Variants in ANK3 observed in about 807,000 individuals in gnomAD.
ANK3 encodes ankyrin-3.
ANK3 carries 57 observed loss-of-function variants against 370.9 expected under a neutral mutation model. That is an observed-to-expected ratio of 0.15 (90% confidence interval 0.12 to 0.19). ANK3 has a LOEUF of 0.19. Ranked by LOEUF, ANK3 falls within the 10% of genes least tolerant of loss-of-function variation. ANK3 has a pLI of 1.00. For missense variants in ANK3, 4,439 were observed against 5,302.1 expected (o/e 0.84, Z 5.06); for synonymous variants, 1,929 against 1,946.3 (o/e 0.99, Z 0.23).
At position 60,389,555 on chromosome 10, in the gene ANK3, T is replaced by A. The variant is rs138255550; in HGVS notation, c.-17A>T. 1.3e-4 allele frequency: 207 copies of A among 1,613,124 alleles called. 4 individuals carry two copies. The East Asian group carries it at 4.6e-3, about 36-fold the overall frequency. On this transcript the variant is annotated 5_prime_UTR_variant, in exon 1 of 44. Transcript: ENST00000280772. ...ATGAGCCATAATGCATTTAAAAAGA[T>A]CCTCTCAAGCACACACGGCTTCCTT...
intron 1 of ANK3, among the ~76,000 whole-genome samples, chr10:60,345,430 A>G (rs1335182348): frequency 6.6e-6 from 1 of 152,166 alleles, no homozygotes; most frequent in East Asian, 1.9e-4. Flanking sequence ...GCAAATATAA[A>G]GAGTACTGAA....
At chr10:60,503,182 A>C (rs1406681370) in intron 2 of ANK3, among the ~76,000 whole-genome samples, 1 of 152,214 alleles carries the variant, frequency 6.6e-6, no homozygotes, top group East Asian at 1.9e-4. Context: ...GGACTTTGGC[A>C]TACAAAGAGT....
At chr10:60,167,010 G>T in intron 21 of ANK3, 114 bp from the exon 22 acceptor site, 1 of 849,914 alleles carries the variant, frequency 1.2e-6, no homozygotes, top group Non-Finnish European at 1.9e-6. Context: ...TGAATATCTT[G>T]AATCTCCCAC....
intron 4 of ANK3, among the ~76,000 whole-genome samples, chr10:60,273,015 C>A (rs768401302): frequency 1.3e-5 from 2 of 152,148 alleles, no homozygotes; most frequent in Non-Finnish European, 2.9e-5. Flanking sequence ...AAAGCCCAGA[C>A]TCAGGCACTG....
At chr10:60,275,657 T>C in intron 4 of ANK3, among the ~76,000 whole-genome samples, 1 of 152,126 alleles carries the variant, frequency 6.6e-6, no homozygotes, top group East Asian at 1.9e-4. Flanking sequence ...TTTGTCAGGA[T>C]CCGACTTTCC....
In ANK3 at chr10:60,279,157, A is replaced by T; in HGVS notation, c.217-9T>A. ...AGAGCGTTCAACCCATTCTGATTAA[A>T]AGTAAAGGAAAAGCTCTACTCAGCA... On this transcript the variant is annotated splice_polypyrimidine_tract_variant and intron_variant, in intron 2 of 43. Coordinates refer to ENST00000280772, the MANE Select transcript of ANK3 (RefSeq NM_020987.5). 6.2e-7 allele frequency: 1 copy of T among 1,612,378 alleles called. No individual in the cohort carries two copies. The highest frequency in any genetic ancestry group is 8.5e-7 in the Non-Finnish European group (1 of 1,178,674).
At chr10:60,213,071 T>C (rs1279300403) in intron 9 of ANK3, among the ~76,000 whole-genome samples, 5 of 152,160 alleles carry the variant, frequency 3.3e-5, no homozygotes, top group African/African-American at 7.2e-5. Flanking sequence ...GTGCTGAAGA[T>C]AGCCGGCACC....
chr10:60,059,931 T>C, intron 40 of ANK3: 1 of 1,614,082 alleles, frequency 6.2e-7, no homozygotes, highest in Non-Finnish European at 8.5e-7. Context: ...AAAATAATCA[T>C]CTTGCTGGAA....
chr10:60,096,865 T>C (rs2132054753), intron 28 of ANK3, among the ~76,000 whole-genome samples: 1 of 152,316 alleles, frequency 6.6e-6, no homozygotes, highest in South Asian at 2.1e-4. Context: ...TGGCATAAGT[T>C]GCTGTAAAGT....
At chr10:60,279,480 C>T in intron 2 of ANK3, 58 bp downstream of exon 2, 1 of 1,357,252 alleles carries the variant, frequency 7.4e-7, no homozygotes, top group Non-Finnish European at 1.0e-6. Context: ...CTTTAAGGAG[C>T]TTGAAGTCTG....
chr10:60,563,335 C>T (rs1451625857), intron 2 of ANK3, among the ~76,000 whole-genome samples: 4 of 152,102 alleles, frequency 2.6e-5, no homozygotes, highest in Non-Finnish European at 4.4e-5. Flanking sequence ...AAAAACAAGC[C>T]CCTTTCCTCT....
intron 18 of ANK3, among the ~76,000 whole-genome samples, chr10:60,179,081 T>A (rs548777545): frequency 1.4e-4 from 21 of 152,324 alleles, no homozygotes; most frequent in African/African-American, 4.8e-4. Context: ...AGTTGAATGG[T>A]ATACATCCCA....
intron 2 of ANK3, among the ~76,000 whole-genome samples, chr10:60,595,257 CAAAT>C (rs772320541): frequency 6.6e-6 from 1 of 152,032 alleles, no homozygotes; most frequent in Non-Finnish European, 1.5e-5. Context: ...CATGTAGAGT[CAAAT>C]AAACATGAGG....
At chr10:60,414,083 A>G (rs1233392372) in intron 2 of ANK3, among the ~76,000 whole-genome samples, 2 of 152,232 alleles carry the variant, frequency 1.3e-5, no homozygotes, top group Non-Finnish European at 2.9e-5. Context: ...TGATATTACA[A>G]TATAGGCACT....
intron 26 of ANK3, 28 bp downstream of exon 26, chr10:60,114,197 A>C: frequency 3.0e-6 from 4 of 1,317,448 alleles, no homozygotes; most frequent in Non-Finnish European, 4.3e-6. Context: ...GTAGTAGGAT[A>C]ATGAAAAGTG....
At chr10:60,085,360 T>C in intron 30 of ANK3, 107 bp from the exon 31 acceptor site, 7 of 711,118 alleles carry the variant, frequency 9.8e-6, no homozygotes, top group Non-Finnish European at 1.7e-5. Flanking sequence ...CTGGCAAAAC[T>C]TCAACACCTT....
intron 2 of ANK3, among the ~76,000 whole-genome samples, chr10:60,525,206 C>A (rs552928970): frequency 5.3e-4 from 81 of 151,902 alleles, no homozygotes; most frequent in Non-Finnish European, 1.1e-3. Context: ...TCAGAAGATT[C>A]TATTATAAAT....
intron 1 of ANK3, among the ~76,000 whole-genome samples, chr10:60,289,422 C>CT (rs984608412): frequency 1.1e-4 from 16 of 151,304 alleles, no homozygotes; most frequent in Admixed American, 9.9e-4. Flanking sequence ...CTCCTTCTTT[C>CT]TTTTTTTGAG....
chr10:60,529,446 A>C (rs1377083838), intron 2 of ANK3, among the ~76,000 whole-genome samples: 1 of 152,136 alleles, frequency 6.6e-6, no homozygotes, highest in Non-Finnish European at 1.5e-5. Context: ...CATCGATAGA[A>C]GTTTAGTCAA....
Sources: allele counts gnomAD v4.1 joint callset (sites outside exome capture counted in the v4.1 genomes callset), GRCh38; gene constraint gnomAD v4.1.1; transcripts MANE v1.5; gene names NCBI Gene and HGNC (gene_info 2026-07-23, HGNC 2026-07-21).